PSMD1: variants seen among roughly 807,000 people sequenced by gnomAD.
PSMD1 encodes proteasome 26S subunit, non-ATPase 1.
Under a neutral mutation model 119.0 loss-of-function variants are expected in PSMD1, and 18 were observed. The observed-to-expected ratio is 0.15, with a 90% CI of 0.10 to 0.22. The LOEUF (loss-of-function observed/expected upper bound fraction) is 0.22. Ranked by LOEUF, PSMD1 falls within the 10% of genes least tolerant of loss-of-function variation. The pLI, the probability that PSMD1 is intolerant of heterozygous loss-of-function variation, is 1.00. For missense variants in PSMD1, 702 were observed against 1,158.5 expected, an observed-to-expected ratio of 0.61 and a Z score of 5.72; for synonymous variants, 374 against 396.6, an observed-to-expected ratio of 0.94 and a Z score of 0.68.
chr2:231,067,094 A>G lies in PSMD1; in HGVS notation c.493A>G (p.Lys165Glu). ...LETRRLDVFE[K>E]TILESNDVPG... ...GACACGAAGACTGGACGTCTTTGAA[A>G]AGACCATACTGGAGTCGGTAGGTAG... Residue 165 changes from lysine (K) to glutamate (E), a missense_variant, in exon 5 of 25, where the codon AAG (lysine) becomes GAG (glutamate). Lys to Glu is a moderately conservative substitution (Grantham distance 56). Transcript: ENST00000308696. 2 of 1,606,042 alleles carry G rather than the reference A, an allele frequency of 1.2e-6. No individual in the cohort carries two copies. The highest frequency in any genetic ancestry group is 1.7e-6 in the Non-Finnish European group (2 of 1,177,940).
At position 231,115,475 on chromosome 2, in the gene PSMD1, A is replaced by T. The variant is rs183187746; in HGVS notation, c.1884-23261A>T. Among the ~76,000 whole-genome samples the T allele has an allele frequency of 2.1e-3, 326 of 152,290 alleles. 2 individuals are homozygous for T. Among genetic ancestry groups the T allele is most frequent in the Non-Finnish European group, 1.1e-3 (75 of 68,014 alleles). ...AACTTTTACTCAGAAAGAATAAATG[A>T]TTGGGACTTAGTTCTATGTTCAGCA... On this transcript the variant is annotated intron_variant, in intron 16 of 24. Coordinates refer to ENST00000308696, the MANE Select transcript of PSMD1 (RefSeq NM_002807.4).
chr2:231,070,392 T>C (rs114053380), intron 6 of PSMD1, among the ~76,000 whole-genome samples: 110 of 152,278 alleles, frequency 7.2e-4, no homozygotes, highest in Non-Finnish European at 1.3e-3. Context: ...TGTAACACAT[T>C]CTTTCTTTGT....
At chr2:231,165,027 T>C (rs535671422) in intron 21 of PSMD1, 173 bp from the exon 22 acceptor site, 2 of 30,244 alleles carry the variant, frequency 6.6e-5, no homozygotes, top group Non-Finnish European at 1.2e-4. Flanking sequence ...CTTTGATTTA[T>C]ATATATTTAT....
intron 16 of PSMD1, among the ~76,000 whole-genome samples, chr2:231,132,519 A>C (rs1421510610): frequency 1.3e-5 from 2 of 152,272 alleles, no homozygotes; most frequent in East Asian, 3.9e-4. Flanking sequence ...TTAGTAGCCA[A>C]AGTTCTGGTT....
chr2:231,132,880 G>A (rs1695884740), intron 16 of PSMD1, among the ~76,000 whole-genome samples: 1 of 152,188 alleles, frequency 6.6e-6, no homozygotes, highest in African/African-American at 2.4e-5. Flanking sequence ...AGATTTAAGG[G>A]GTTCTCTTGA....
intron 17 of PSMD1, among the ~76,000 whole-genome samples, chr2:231,145,924 T>G (rs1313597059): frequency 1.4e-5 from 2 of 147,366 alleles, no homozygotes; most frequent in African/African-American, 5.1e-5. Flanking sequence ...AAAAAAAAAT[T>G]GTACCATTGT....
At chr2:231,074,882 G>A (rs1395905761) in intron 7 of PSMD1, among the ~76,000 whole-genome samples, 2 of 152,280 alleles carry the variant, frequency 1.3e-5, no homozygotes, top group East Asian at 1.9e-4. Flanking sequence ...AGGCTAGGGT[G>A]CAGTGGTGCG....
intron 16 of PSMD1, among the ~76,000 whole-genome samples, chr2:231,112,820 T>A (rs1324497266): frequency 6.6e-6 from 1 of 151,626 alleles, no homozygotes; most frequent in Admixed American, 6.5e-5. Flanking sequence ...ATACATAATT[T>A]CTGAACATCG....
chr2:231,096,820 T>C (rs1694738524), intron 16 of PSMD1, among the ~76,000 whole-genome samples: 1 of 152,166 alleles, frequency 6.6e-6, no homozygotes, highest in African/African-American at 2.4e-5. Context: ...TCTGATTGGC[T>C]AACTTAAAGA....
intron 18 of PSMD1, among the ~76,000 whole-genome samples, chr2:231,150,127 C>G (rs557918090): frequency 6.6e-6 from 1 of 152,110 alleles, no homozygotes; most frequent in Middle Eastern, 3.4e-3. Flanking sequence ...GGGTGGATCA[C>G]GCGGTCAGGA....
chr2:231,137,062 TA>T (rs1431821746), intron 16 of PSMD1, among the ~76,000 whole-genome samples: 4 of 145,404 alleles, frequency 2.8e-5, no homozygotes, highest in African/African-American at 1.0e-4. Flanking sequence ...TAAATATATA[TA>T]TTTTTATGTA....
chr2:231,170,507 A>G lies in PSMD1; in HGVS notation c.2716-59A>G. 2 of 1,477,908 alleles carry G rather than the reference A, an allele frequency of 1.4e-6. No homozygotes were observed. Among genetic ancestry groups the G allele is most frequent in the Non-Finnish European group, 9.1e-7 (1 of 1,104,036 alleles). The allele number at this position is 1,477,908 out of a possible 1,614,324, so 91.5% of individuals were successfully genotyped here. Reference sequence around the variant, plus strand: ...GTACCATTTAACAAGTATTTACTCTAGATTGTGGAGCACGCTTGAAATATG... The same window carrying G: ...GTACCATTTAACAAGTATTTACTCTGGATTGTGGAGCACGCTTGAAATATG... On this transcript the variant is annotated intron_variant, in intron 23 of 24. Coordinates refer to ENST00000308696, the MANE Select transcript of PSMD1 (RefSeq NM_002807.4). The surrounding 1 kb of genome is among the most constrained non-coding windows in gnomAD (Gnocchi z 4.1).
At chr2:231,089,515 C>T (rs903437028) in intron 16 of PSMD1, among the ~76,000 whole-genome samples, 45 of 151,856 alleles carry the variant, frequency 3.0e-4, no homozygotes, top group African/African-American at 1.0e-3. Flanking sequence ...AGCTGTTCTA[C>T]GTGTTCTAGA....
chr2:231,062,844 A>G (rs1374579627), intron 4 of PSMD1, among the ~76,000 whole-genome samples, 169 bp downstream of exon 4: 1 of 152,096 alleles, frequency 6.6e-6, no homozygotes, highest in Non-Finnish European at 1.5e-5. Context: ...TCTGCCCTTC[A>G]ACTGAGTGCT....
Position 231,058,231 on chromosome 2 carries a change from C to G in PSMD1, c.16+1190C>G, listed in dbSNP as rs535942279. Among the ~76,000 whole-genome samples the G allele has an allele frequency of 3.9e-5, 6 of 152,310 alleles. No homozygotes were observed. In the South Asian group the frequency reaches 1.0e-3, roughly 26 times the overall value. The stretch of plus-strand genomic sequence containing the variant: ...TTTCTTGCCACCTATAGGCCTCATT[C>G]TATTTCAAATCCATCCATTACCAAT... On this transcript the variant is annotated intron_variant, in intron 1 of 24. Transcript: ENST00000308696.
In PSMD1 at chr2:231,068,797, A is replaced by G. The variant is rs560889444; in HGVS notation, c.511-1228A>G. On this transcript the variant is annotated intron_variant, in intron 5 of 24. Transcript: ENST00000308696. The stretch of plus-strand genomic sequence containing the variant: ...AGTAATGGCCTCAAAGTACAAAAAT[A>G]GTGATGTTGGCAATTTAGATATGCT... Among the ~76,000 whole-genome samples the G allele has an allele frequency of 2.0e-5, 3 of 152,334 alleles. No individual in the cohort carries two copies. The East Asian group carries it at 5.8e-4, about 29-fold the overall frequency.
chr2:231,083,363 A>T (rs1043575225), intron 13 of PSMD1, among the ~76,000 whole-genome samples: 1 of 152,210 alleles, frequency 6.6e-6, no homozygotes, highest in African/African-American at 2.4e-5. Flanking sequence ...AAGGAAAACA[A>T]CCCTAAATAT....
At chr2:231,086,959 C>A (rs1694466948) in intron 15 of PSMD1, among the ~76,000 whole-genome samples, 158 bp from the exon 16 acceptor site, 1 of 152,036 alleles carries the variant, frequency 6.6e-6, no homozygotes, top group African/African-American at 2.4e-5. Flanking sequence ...TGAATGTATT[C>A]ATTTATTGTA....
At chr2:231,070,795 G>A (rs545822428) in intron 6 of PSMD1, among the ~76,000 whole-genome samples, 20 of 152,014 alleles carry the variant, frequency 1.3e-4, no homozygotes, top group Non-Finnish European at 2.4e-4. Context: ...TTGACTGGAG[G>A]TGTGCATGGG....
Sources: allele counts gnomAD v4.1 joint callset (sites outside exome capture counted in the v4.1 genomes callset), GRCh38; gene constraint gnomAD v4.1.1; non-coding constraint Gnocchi (gnomAD v3.1); transcripts MANE v1.5; gene names NCBI Gene and HGNC (gene_info 2026-07-23, HGNC 2026-07-21).